The following G6PC1 variants were observed in gnomAD, a reference collection of about 807,000 sequenced individuals.
The protein encoded by G6PC1 is G-6-Pase.
G6PC1 carries 23 observed loss-of-function variants against 30.4 expected under a neutral mutation model. The ratio of observed to expected loss-of-function variants is 0.76; its 90% CI spans 0.55 to 1.07. G6PC1 has a LOEUF of 1.07. Among genes scored for constraint, G6PC1 ranks in the 50% least tolerant of loss-of-function variants. The pLI is 0.00. For synonymous variants in G6PC1, 163 were observed against 175.6 expected (o/e 0.93, Z 0.57); for missense variants, 391 against 433.9 (o/e 0.90, Z 0.88).
chr17:42,909,218 C>T (rs1722720689), intron 3 of G6PC1, 85 bp from the exon 4 acceptor site: 1 of 1,034,834 alleles, frequency 9.7e-7, no homozygotes, highest in African/African-American at 1.6e-5. Context: ...CTAAGTTTGC[C>T]AGGCTCCAAC....
In G6PC1 at chr17:42,901,101, T is replaced by C. The variant is rs781714941; in HGVS notation, c.225T>C (p.Phe75=). 2.5e-6 allele frequency: 4 copies of C among 1,612,236 alleles called. No homozygotes were observed. In the African/African-American group the frequency reaches 5.3e-5, roughly 22 times the overall value. ...AVIGDWLNLV[F]KWILFGQRPY... ...TTGGAGACTGGCTCAACCTCGTCTT[T>C]AAGTGGTAAGAACCATATAGAGAGG... The change falls in exon 1 of 5, where the codon TTT becomes TTC. Residue 75 remains phenylalanine, a synonymous_variant. Transcript: ENST00000253801.
At chr17:42,909,497 A>C (rs1214349645) in intron 4 of G6PC1, 79 bp downstream of exon 4, 2 of 1,027,970 alleles carry the variant, frequency 1.9e-6, no homozygotes, top group Non-Finnish European at 1.5e-6. Context: ...AAATCCCAGC[A>C]TTCCAGCCAC....
chr17:42,911,190 T>A lies in G6PC1; in HGVS notation c.838T>A (p.Tyr280Asn). 1 of 1,614,138 alleles carries A rather than the reference T, an allele frequency of 6.2e-7. No homozygotes were observed. The highest frequency in any genetic ancestry group is 8.5e-7 in the Non-Finnish European group (1 of 1,180,024). Residue 280 changes from tyrosine to asparagine, a missense_variant, in exon 5 of 5, where the codon TAC (tyrosine) becomes AAC (asparagine). Physicochemically the swap from Tyr to Asn is moderately radical, Grantham distance 143. Transcript: ENST00000253801. The stretch of plus-strand genomic sequence containing the variant: ...GGGGCTGGCTCTCAACTCCAGCATG[T>A]ACAGGGAGAGCTGCAAGGGGAAACT... ...GLGLALNSSM[Y>N]RESCKGKLSK...
intron 2 of G6PC1, among the ~76,000 whole-genome samples, chr17:42,906,525 G>T (rs965875881): frequency 1.3e-5 from 2 of 152,116 alleles, no homozygotes; most frequent in African/African-American, 4.8e-5. Context: ...GTTCAGGAGG[G>T]AGGTCTGGGC....
rs774311350 is a variant in G6PC1 at position 42,911,265 on chromosome 17, C to T, written c.913C>T (p.Leu305Phe). The part of the protein sequence containing the change: ...RLSSIVASLV[L>F]LHVFDSLKPP... ...CAGCTCTATTGTAGCCTCCCTCGTC[C>T]TCCTGCACGTCTTTGACTCCTTGAA... is the stretch of plus-strand genomic sequence containing the variant. The change falls in exon 5 of 5, where the codon CTC (leucine) becomes TTC (phenylalanine). Residue 305 changes from leucine (L) to phenylalanine (F), a missense_variant. By Grantham distance (22) the Leu-to-Phe change is conservative (BLOSUM62 0). Transcript: ENST00000253801. 6.2e-7 allele frequency: 1 copy of T among 1,614,190 alleles called. No individual in the cohort carries two copies. The highest frequency in any genetic ancestry group is 8.5e-7 in the Non-Finnish European group (1 of 1,180,046).
chr17:42,913,559 C>T lies in G6PC1; in HGVS notation c.*2133C>T, dbSNP rs183542930. On this transcript the variant is annotated 3_prime_UTR_variant, in exon 5 of 5. Coordinates refer to ENST00000253801, the MANE Select transcript of G6PC1 (RefSeq NM_000151.4). ...GCACAGGCAGAGTTGAGCACATAAA[C>T]GGAGGCCCAAAATCAGCATAGAACC... Among the ~76,000 whole-genome samples the T allele has an allele frequency of 1.8e-4, 28 of 152,244 alleles. 1 individual carries two copies. The East Asian group carries it at 2.5e-3, about 14-fold the overall frequency.
rs751810814 is a variant in G6PC1 at position 42,909,225 on chromosome 17, C to T, written c.447-78C>T. 1.4e-5 allele frequency: 15 copies of T among 1,103,888 alleles called. No individual in the cohort carries two copies. In the Admixed American group the frequency reaches 2.0e-4, roughly 15 times the overall value. The allele number at this position is 1,103,888 out of a possible 1,614,324, so 68.4% of individuals were successfully genotyped here. A position where few individuals can be genotyped will look rare whatever the true frequency, so the allele number is the denominator to read the frequency against. On this transcript the variant is annotated intron_variant, in intron 3 of 4. Coordinates refer to ENST00000253801, the MANE Select transcript of G6PC1 (RefSeq NM_000151.4). ...GAGAGCACCTAAGTTTGCCAGGCTC[C>T]AACATTTCTGCAGGGGCTGTTTTCT...
chr17:42,911,708 TCTCACAAGTAGGGAG>T lies in G6PC1; in HGVS notation c.*288_*302del. On this transcript the variant is annotated 3_prime_UTR_variant, in exon 5 of 5. Transcript: ENST00000253801. ...GGTCCTCCTCTCTCTACTTGAATAC[TCTCACAAGTAGGGAG>T]CTCACTCCCACTGGAACAGCCCATT... 4.0e-6 allele frequency: 2 copies of T among 494,296 alleles called. No homozygotes were observed. Among genetic ancestry groups the T allele is most frequent in the East Asian group, 7.6e-5 (2 of 26,206 alleles). The allele number at this position is 494,296 out of a possible 1,614,324, so 30.6% of individuals were successfully genotyped here.
chr17:42,905,812 G>A (rs1178723351), intron 2 of G6PC1, among the ~76,000 whole-genome samples: 1 of 152,064 alleles, frequency 6.6e-6, no homozygotes, highest in Admixed American at 6.6e-5. Context: ...GGAGGCCAAC[G>A]CAGGTGGATC....
chr17:42,906,070 A>G (rs906772943), intron 2 of G6PC1, among the ~76,000 whole-genome samples: 2 of 151,264 alleles, frequency 1.3e-5, no homozygotes, highest in African/African-American at 4.9e-5. Flanking sequence ...AGTTTAAATG[A>G]ATTACCCAAG....
chr17:42,905,962 C>A (rs1389268977), intron 2 of G6PC1, among the ~76,000 whole-genome samples: 1 of 151,402 alleles, frequency 6.6e-6, no homozygotes, highest in Non-Finnish European at 1.5e-5. Flanking sequence ...AGGAGAATCA[C>A]TTCAACCCGG....
chr17:42,908,603 C>T (rs547705788), intron 3 of G6PC1, among the ~76,000 whole-genome samples: 6 of 150,160 alleles, frequency 4.0e-5, no homozygotes. Context: ...GATGGGGTTT[C>T]ACCATATTGG....
chr17:42,909,337 G>T lies in G6PC1; in HGVS notation c.481G>T (p.Ala161Ser). 6.2e-7 allele frequency: 1 copy of T among 1,614,154 alleles called. No individual in the cohort carries two copies. Among genetic ancestry groups the T allele is most frequent in the Non-Finnish European group, 8.5e-7 (1 of 1,180,036 alleles). Residue 161 changes from alanine (A) to serine (S), a missense_variant, in exon 4 of 5, where the codon GCT becomes TCT. By Grantham distance (99) the Ala-to-Ser change is moderately conservative. Transcript: ENST00000253801. Reference sequence around the variant, plus strand: ...TGTCATTTTGTGGTTGGGATTCTGGGCTGTGCAGCTGAATGTCTGTCTGTC... The same window carrying T: ...TGTCATTTTGTGGTTGGGATTCTGGTCTGTGCAGCTGAATGTCTGTCTGTC... The part of the protein sequence containing the change: ...LNVILWLGFW[A>S]VQLNVCLSRI...
chr17:42,910,905 T>C lies in G6PC1; in HGVS notation c.563-10T>C. 6.2e-7 allele frequency: 1 copy of C among 1,614,086 alleles called. No homozygotes were observed. The highest frequency in any genetic ancestry group is 8.5e-7 in the Non-Finnish European group (1 of 1,179,938). On this transcript the variant is annotated splice_polypyrimidine_tract_variant and intron_variant, in intron 4 of 4. Coordinates refer to ENST00000253801, the MANE Select transcript of G6PC1 (RefSeq NM_000151.4). ...TCCTATCTCTCACAGTCATGCTTTCTTCCACTCAGGCATTGCTGTTGCAGA... is the reference window on the plus strand; with the variant it reads ...TCCTATCTCTCACAGTCATGCTTTCCTCCACTCAGGCATTGCTGTTGCAGA...
intron 1 of G6PC1, 40 bp from the exon 2 acceptor site, chr17:42,903,891 T>G (rs1271640987): frequency 7.4e-7 from 1 of 1,352,246 alleles, no homozygotes; most frequent in Non-Finnish European, 1.1e-6. Flanking sequence ...GCAAAAGCAT[T>G]CATTCAGTAA....
In G6PC1 at chr17:42,900,862, G is replaced by A; in HGVS notation, c.-15G>A. 1 of 1,605,446 alleles carries A rather than the reference G, an allele frequency of 6.2e-7. No homozygotes were observed. Among genetic ancestry groups the A allele is most frequent in the South Asian group, 1.1e-5 (1 of 90,828 alleles). ...GGCTCTGCTGACATCTTCCTGAGGTGCCAAGGAAATGAGGATGGAGGAAGG... is the reference window on the plus strand; with the variant it reads ...GGCTCTGCTGACATCTTCCTGAGGTACCAAGGAAATGAGGATGGAGGAAGG... On this transcript the variant is annotated 5_prime_UTR_variant, in exon 1 of 5. Coordinates refer to ENST00000253801, the MANE Select transcript of G6PC1 (RefSeq NM_000151.4).
intron 1 of G6PC1, 73 bp downstream of exon 1, chr17:42,901,179 A>C: frequency 7.4e-7 from 1 of 1,359,704 alleles, no homozygotes; most frequent in Non-Finnish European, 1.1e-6. Flanking sequence ...TGTCCATCAG[A>C]AGTTGCTTTC....
intron 1 of G6PC1, among the ~76,000 whole-genome samples, chr17:42,901,805 A>T (rs1386272032): frequency 6.6e-6 from 1 of 152,146 alleles, no homozygotes; most frequent in Non-Finnish European, 1.5e-5. Flanking sequence ...TCACCCTGGG[A>T]ACTGGGCTCC....
chr17:42,911,560 C>G lies in G6PC1; in HGVS notation c.*134C>G. 7.3e-7 allele frequency: 1 copy of G among 1,369,432 alleles called. No individual in the cohort carries two copies. Among genetic ancestry groups the G allele is most frequent in the Non-Finnish European group, 1.0e-6 (1 of 983,292 alleles). 84.8% of individuals were successfully genotyped at this position (1,369,432 alleles called of 1,614,324 possible). A position where few individuals can be genotyped will look rare whatever the true frequency, so the allele number is the denominator to read the frequency against. On this transcript the variant is annotated 3_prime_UTR_variant, in exon 5 of 5. Transcript: ENST00000253801. ...ATTCTGCCGTCGTGGAATTAAATCA[C>G]GGATGGCAGATTGGAGGGTCGCCTG...
Sources: gnomAD v4.1 joint callset for allele counts (sites outside exome capture counted in the v4.1 genomes callset) on GRCh38, gnomAD v4.1.1 for gene constraint, MANE v1.5 for transcripts, NCBI Gene and HGNC (gene_info 2026-07-23, HGNC 2026-07-21) for gene names.